TRIO: variants seen among roughly 807,000 people sequenced by gnomAD.
The protein encoded by TRIO is triple functional domain protein.
TRIO carries 58 observed loss-of-function variants against 351.9 expected under a neutral mutation model. The observed-to-expected ratio is 0.16, with a 90% CI of 0.13 to 0.21. The LOEUF is 0.21. Among genes scored for constraint, TRIO ranks in the 10% least tolerant of loss-of-function variants. The pLI is 1.00. For missense variants in TRIO, 3,201 were observed against 4,027.8 expected, an observed-to-expected ratio of 0.79 and a Z score of 5.56; for synonymous variants, 1,758 against 1,595.7, an observed-to-expected ratio of 1.10 and a Z score of -2.42.
intron 34 of TRIO, among the ~76,000 whole-genome samples, chr5:14,457,860 T>A (rs1476792383): frequency 6.6e-6 from 1 of 152,062 alleles, no homozygotes; most frequent in East Asian, 1.9e-4. Context: ...TTGGTAGGTG[T>A]CACTTAGGCT....
chr5:14,158,779 C>T (rs1463200948), intron 1 of TRIO, among the ~76,000 whole-genome samples: 1 of 152,158 alleles, frequency 6.6e-6, no homozygotes, highest in Non-Finnish European at 1.5e-5. Context: ...TGTAGTGAGC[C>T]ATGATTGTGC....
intron 55 of TRIO, among the ~76,000 whole-genome samples, chr5:14,505,495 G>A (rs956931541): frequency 6.6e-6 from 1 of 152,250 alleles, no homozygotes; most frequent in African/African-American, 2.4e-5. Flanking sequence ...AGCTTCTTCA[G>A]TGGGAAGGAT....
At chr5:14,431,312 T>A (rs1317876925) in intron 34 of TRIO, among the ~76,000 whole-genome samples, 1 of 152,174 alleles carries the variant, frequency 6.6e-6, no homozygotes, top group African/African-American at 2.4e-5. Flanking sequence ...AATTGGTCAT[T>A]CCACATCACA....
At chr5:14,446,691 G>C (rs903707601) in intron 34 of TRIO, among the ~76,000 whole-genome samples, 1 of 152,154 alleles carries the variant, frequency 6.6e-6, no homozygotes, top group African/African-American at 2.4e-5. Flanking sequence ...TAGTTGAGCA[G>C]CATTTTCCTT....
chr5:14,319,934 TC>T (rs1739724418), intron 9 of TRIO, among the ~76,000 whole-genome samples: 1 of 152,160 alleles, frequency 6.6e-6, no homozygotes, highest in Admixed American at 6.5e-5. Context: ...TGGATGGTAG[TC>T]AGGCGTGGCG....
intron 28 of TRIO, 149 bp from the exon 29 acceptor site, chr5:14,396,894 G>A (rs1747647636): frequency 3.1e-6 from 2 of 638,668 alleles, no homozygotes; most frequent in South Asian, 2.0e-5. Context: ...TAAAGAGGTA[G>A]TAGTTTATTT....
intron 34 of TRIO, among the ~76,000 whole-genome samples, chr5:14,426,707 A>G (rs1189611641): frequency 6.6e-6 from 1 of 152,222 alleles, no homozygotes; most frequent in Non-Finnish European, 1.5e-5. Flanking sequence ...AGAGCCAGCA[A>G]GAAGCGGAGG....
intron 33 of TRIO, among the ~76,000 whole-genome samples, chr5:14,410,602 A>G (rs1749116577): frequency 6.6e-6 from 1 of 152,234 alleles, no homozygotes; most frequent in South Asian, 2.1e-4. Flanking sequence ...GTTCGACTTA[A>G]TTTATGATGT....
intron 18 of TRIO, among the ~76,000 whole-genome samples, chr5:14,370,266 C>CAGT (rs1744983136): frequency 6.6e-6 from 1 of 152,112 alleles, no homozygotes; most frequent in Non-Finnish European, 1.5e-5. Flanking sequence ...GCTGGGACTA[C>CAGT]AGTGCTCTGT....
intron 1 of TRIO, among the ~76,000 whole-genome samples, chr5:14,228,544 G>A (rs1474237686): frequency 9.2e-5 from 14 of 152,234 alleles, no homozygotes; most frequent in Non-Finnish European, 4.4e-5. Flanking sequence ...TCGTGTTTTG[G>A]ATGCAATTCT....
At chr5:14,300,869 C>T (rs1331226859) in intron 7 of TRIO, among the ~76,000 whole-genome samples, 1 of 152,184 alleles carries the variant, frequency 6.6e-6, no homozygotes, top group Non-Finnish European at 1.5e-5. Context: ...TTAGAATTAA[C>T]ATTTATTATA....
chr5:14,290,165 A>G (rs30628), intron 4 of TRIO, among the ~76,000 whole-genome samples: 74,808 of 151,996 alleles, frequency 0.49, 19,237 homozygotes, highest in East Asian at 0.58. Context: ...TGGTTGGAGC[A>G]GCATTCATCG....
intron 31 of TRIO, 37 bp from the exon 32 acceptor site, chr5:14,405,811 C>G (rs141492551): frequency 5.6e-6 from 9 of 1,596,956 alleles, no homozygotes; most frequent in South Asian, 1.1e-5. Flanking sequence ...TGGAAAGGGC[C>G]GTTCCGTATC....
At chr5:14,195,532 T>C (rs774998398) in intron 1 of TRIO, among the ~76,000 whole-genome samples, 2 of 152,244 alleles carry the variant, frequency 1.3e-5, no homozygotes, top group Admixed American at 1.3e-4. Flanking sequence ...TGTGAAAGTA[T>C]GTAAATATCT....
Position 14,484,799 on chromosome 5 carries a change from A to G in TRIO, c.6658-270A>G, listed in dbSNP as rs547147243. Among the ~76,000 whole-genome samples the G allele has an allele frequency of 2.6e-5, 4 of 152,000 alleles. No individual in the cohort carries two copies. The South Asian group carries it at 6.2e-4, about 24-fold the overall frequency. On this transcript the variant is annotated intron_variant, in intron 46 of 56. Coordinates refer to ENST00000344204, the MANE Select transcript of TRIO (RefSeq NM_007118.4). ...CCAAGCCCCTGGCAACCTCCACTCTACTTCCTATCCCCACATTTGACTACT... is the reference window on the plus strand; with the variant it reads ...CCAAGCCCCTGGCAACCTCCACTCTGCTTCCTATCCCCACATTTGACTACT...
chr5:14,162,782 A>G (rs1276071313), intron 1 of TRIO, among the ~76,000 whole-genome samples: 1 of 152,168 alleles, frequency 6.6e-6, no homozygotes, highest in Non-Finnish European at 1.5e-5. Context: ...TTTATATGTC[A>G]TCAACCACAT....
At chr5:14,150,892 G>A (rs2152115493) in intron 1 of TRIO, among the ~76,000 whole-genome samples, 1 of 152,264 alleles carries the variant, frequency 6.6e-6, no homozygotes, top group South Asian at 2.1e-4. Context: ...TCTTTCCTGG[G>A]ATTCTGTAAT....
chr5:14,479,137 T>C, intron 41 of TRIO, 124 bp from the exon 42 acceptor site: 1 of 779,566 alleles, frequency 1.3e-6, no homozygotes, highest in Non-Finnish European at 2.2e-6. Context: ...CCCGAGAGCC[T>C]TAGCTGTGCA....
At chr5:14,178,238 G>A (rs1209640323) in intron 1 of TRIO, among the ~76,000 whole-genome samples, 2 of 152,220 alleles carry the variant, frequency 1.3e-5, no homozygotes, top group South Asian at 2.1e-4. Flanking sequence ...GGATTTTTAA[G>A]AGAGGTCATT....
Sources: allele counts gnomAD v4.1 joint callset (sites outside exome capture counted in the v4.1 genomes callset), GRCh38; gene constraint gnomAD v4.1.1; transcripts MANE v1.5; gene names NCBI Gene and HGNC (gene_info 2026-07-23, HGNC 2026-07-21).